Variants in THBS4 observed in about 807,000 individuals in gnomAD.
The protein encoded by THBS4 is thrombospondin 4.
A neutral mutation model predicts 115.7 loss-of-function variants in THBS4; 90 were observed. The ratio of observed to expected loss-of-function variants is 0.78; its 90% CI spans 0.66 to 0.93. The LOEUF is 0.93. Ranked by LOEUF, THBS4 falls within the 40% of genes least tolerant of loss-of-function variation. The pLI, the probability that THBS4 is intolerant of heterozygous loss-of-function variation, is 0.00. For synonymous variants in THBS4, 460 were observed against 479.3 expected (o/e 0.96, Z 0.53); for missense variants, 1,087 against 1,232.7 (o/e 0.88, Z 1.77).
At chr5:80,062,194 T>C (rs983070588) in intron 8 of THBS4, among the ~76,000 whole-genome samples, 1 of 152,226 alleles carries the variant, frequency 6.6e-6, no homozygotes, top group African/African-American at 2.4e-5. Context: ...AGGTCACTTT[T>C]GTAGAGTCAT....
At chr5:80,027,268 A>G (rs1439785844) in intron 2 of THBS4, among the ~76,000 whole-genome samples, 2 of 152,208 alleles carry the variant, frequency 1.3e-5, no homozygotes, top group African/African-American at 2.4e-5. Context: ...GGTTTTTCTC[A>G]CTGGAAAAAA....
At chr5:80,023,263 A>G (rs1044546768) in intron 2 of THBS4, among the ~76,000 whole-genome samples, 3 of 152,206 alleles carry the variant, frequency 2.0e-5, no homozygotes, top group Non-Finnish European at 2.9e-5. Flanking sequence ...ACATTGGACA[A>G]TATACCTAGC....
At chr5:80,078,812 G>A (rs1016759508) in intron 17 of THBS4, 109 bp from the exon 18 acceptor site, 3 of 904,504 alleles carry the variant, frequency 3.3e-6, no homozygotes, top group African/African-American at 3.3e-5. Flanking sequence ...TTTATATGGA[G>A]GTCAGACATC....
chr5:80,082,591 T>A, intron 21 of THBS4, 46 bp downstream of exon 21: 2 of 1,607,270 alleles, frequency 1.2e-6, no homozygotes, highest in South Asian at 2.2e-5. Context: ...CTAGAATTAG[T>A]CAAACACTGC....
intron 2 of THBS4, among the ~76,000 whole-genome samples, chr5:80,050,945 A>T (rs1833234664): frequency 6.6e-6 from 1 of 152,104 alleles, no homozygotes; most frequent in Non-Finnish European, 1.5e-5. Context: ...GGCCAGGCAG[A>T]GGTGTGGTCG....
intron 1 of THBS4, among the ~76,000 whole-genome samples, chr5:79,994,843 G>A (rs1357379496): frequency 6.6e-6 from 1 of 152,198 alleles, no homozygotes. Context: ...AGACTATTAG[G>A]AAGTACCATT....
intron 2 of THBS4, among the ~76,000 whole-genome samples, chr5:80,005,987 G>T (rs996860786): frequency 6.6e-6 from 1 of 151,872 alleles, no homozygotes; most frequent in East Asian, 1.9e-4. Flanking sequence ...GGATGGTCTC[G>T]ATCTCTTGAC....
chr5:80,039,080 T>C (rs957766728), intron 1 of THBS4, among the ~76,000 whole-genome samples: 10 of 152,234 alleles, frequency 6.6e-5, no homozygotes, highest in African/African-American at 2.2e-4. Flanking sequence ...TCCTTGCCCA[T>C]TTTTCTATTA....
At chr5:80,005,556 C>T (rs1248404191) in intron 2 of THBS4, among the ~76,000 whole-genome samples, 1 of 151,968 alleles carries the variant, frequency 6.6e-6, no homozygotes, top group Non-Finnish European at 1.5e-5. Flanking sequence ...GATGTGAATT[C>T]TAGAGAACTG....
Position 80,078,929 on chromosome 5 carries a change from G to T in THBS4, c.2274G>T (p.Glu758Asp). 6.2e-7 allele frequency: 1 copy of T among 1,614,120 alleles called. No individual in the cohort carries two copies. The highest frequency in any genetic ancestry group is 8.5e-7 in the Non-Finnish European group (1 of 1,179,978). ...CTCAACTCTCTCTGCAGGGCATGGA[G>T]ATTGTACAGACCATGAACAGTGATC... The part of the protein sequence containing the change: ...PNWVVLNQGM[E>D]IVQTMNSDPG... Residue 758 changes from glutamate to aspartate, a missense_variant, in exon 18 of 22, where the codon GAG (glutamate) becomes GAT (aspartate). By Grantham distance (45) the Glu-to-Asp change is conservative. Coordinates refer to ENST00000350881, the MANE Select transcript of THBS4 (RefSeq NM_003248.6).
At chr5:80,005,113 A>G (rs1425501564) in intron 2 of THBS4, among the ~76,000 whole-genome samples, 3 of 152,238 alleles carry the variant, frequency 2.0e-5, no homozygotes, top group African/African-American at 7.2e-5. Flanking sequence ...TAATTAAACA[A>G]AGGTCACACG....
chr5:79,998,753 G>A (rs1831846238), intron 2 of THBS4, among the ~76,000 whole-genome samples: 1 of 152,126 alleles, frequency 6.6e-6, no homozygotes, highest in Non-Finnish European at 1.5e-5. Context: ...GTAATGTAAT[G>A]GCATGTGATG....
At chr5:80,025,123 T>C (rs542038881) in intron 2 of THBS4, among the ~76,000 whole-genome samples, 1 of 152,342 alleles carries the variant, frequency 6.6e-6, no homozygotes, top group Non-Finnish European at 1.5e-5. Flanking sequence ...CAAAGCTCCC[T>C]ATCTGAATGA....
At chr5:80,058,012 A>G (rs569166205) in intron 3 of THBS4, among the ~76,000 whole-genome samples, 194 bp from the exon 4 acceptor site, 1 of 152,348 alleles carries the variant, frequency 6.6e-6, no homozygotes, top group East Asian at 1.9e-4. Flanking sequence ...GCTACTGGCT[A>G]CTTACATATT....
chr5:80,059,571 C>T (rs1833555195), intron 6 of THBS4, 80 bp downstream of exon 6: 3 of 1,599,936 alleles, frequency 1.9e-6, no homozygotes, highest in Non-Finnish European at 2.6e-6. Flanking sequence ...GCTGTGTTGA[C>T]CGCAGTTTCT....
chr5:80,064,215 A>G (rs17885404), intron 8 of THBS4, among the ~76,000 whole-genome samples: 1,905 of 152,354 alleles, frequency 0.013, 43 homozygotes, highest in African/African-American at 0.044. Flanking sequence ...TGTACCACAT[A>G]CAGTTATGAG....
At chr5:79,992,245 C>G (rs931439511) in intron 1 of THBS4, among the ~76,000 whole-genome samples, 2 of 152,162 alleles carry the variant, frequency 1.3e-5, no homozygotes, top group African/African-American at 2.4e-5. Context: ...ATGACTGGGT[C>G]TCAGAGTTAG....
At chr5:80,006,759 G>A (rs1466671204) in intron 2 of THBS4, among the ~76,000 whole-genome samples, 1 of 152,132 alleles carries the variant, frequency 6.6e-6, no homozygotes, top group Non-Finnish European at 1.5e-5. Flanking sequence ...GGGGCAGGGT[G>A]GATGATGAAG....
chr5:80,051,735 A>G (rs1299902791), intron 2 of THBS4, among the ~76,000 whole-genome samples: 1 of 152,254 alleles, frequency 6.6e-6, no homozygotes, highest in Non-Finnish European at 1.5e-5. Flanking sequence ...TTAATTATTC[A>G]TTTAAAGTTT....
Sources: allele counts gnomAD v4.1 joint callset (sites outside exome capture counted in the v4.1 genomes callset), GRCh38; gene constraint gnomAD v4.1.1; transcripts MANE v1.5; gene names NCBI Gene and HGNC (gene_info 2026-07-23, HGNC 2026-07-21).